PHF14: variants seen among roughly 807,000 people sequenced by gnomAD.
The protein encoded by PHF14 is PHD finger protein 14.
In PHF14, 55 loss-of-function variants were observed where a neutral mutation model predicts 117.9. The ratio of observed to expected loss-of-function variants is 0.47; its 90% CI spans 0.38 to 0.58. The LOEUF (loss-of-function observed/expected upper bound fraction) is 0.58, where lower values mean the gene tolerates loss of function less well. Ranked by LOEUF, PHF14 falls within the 20% of genes least tolerant of loss-of-function variation. PHF14 has a pLI of 0.00. For missense variants in PHF14, 978 were observed against 1,122.2 expected (o/e 0.87, Z 1.84); for synonymous variants, 409 against 368.6 (o/e 1.11, Z -1.26).
At chr7:11,095,945 G>A (rs903828127) in intron 16 of PHF14, among the ~76,000 whole-genome samples, 11 of 151,926 alleles carry the variant, frequency 7.2e-5, no homozygotes, top group African/African-American at 2.7e-4. Flanking sequence ...TATATAGAAG[G>A]TCAGCTTTGG....
intron 17 of PHF14, among the ~76,000 whole-genome samples, chr7:11,158,697 A>G (rs1188040310): frequency 6.6e-6 from 1 of 152,106 alleles, no homozygotes; most frequent in African/African-American, 2.4e-5. Flanking sequence ...TAAATAAGAT[A>G]TCTTAGGACT....
intron 17 of PHF14, among the ~76,000 whole-genome samples, chr7:11,122,398 C>CAT (rs199497476): frequency 0.087 from 10,732 of 123,626 alleles, 717 homozygotes; most frequent in African/African-American, 0.11. Context: ...CATACACACA[C>CAT]ATATATATAT....
chr7:11,006,086 A>C (rs1783078473), intron 4 of PHF14, among the ~76,000 whole-genome samples: 1 of 152,074 alleles, frequency 6.6e-6, no homozygotes, highest in Non-Finnish European at 1.5e-5. Context: ...AAAATTTCTT[A>C]GTCAAAAGAT....
At chr7:11,027,277 C>G (rs1266290328) in intron 6 of PHF14, among the ~76,000 whole-genome samples, 1 of 152,114 alleles carries the variant, frequency 6.6e-6, no homozygotes, top group East Asian at 1.9e-4. Flanking sequence ...GTATATTATA[C>G]CATTTATGTT....
intron 16 of PHF14, among the ~76,000 whole-genome samples, chr7:11,092,505 A>C (rs907267874): frequency 3.9e-5 from 6 of 152,150 alleles, no homozygotes; most frequent in Non-Finnish European, 8.8e-5. Context: ...CACCTATAGA[A>C]GGAATTACAG....
chr7:11,131,445 A>G (rs1371015143), intron 17 of PHF14, among the ~76,000 whole-genome samples: 2 of 151,942 alleles, frequency 1.3e-5, no homozygotes, highest in Admixed American at 6.6e-5. Context: ...CCATATATAT[A>G]TCTTTTATGA....
chr7:11,084,057 A>G (rs1786277510), intron 16 of PHF14, among the ~76,000 whole-genome samples: 1 of 152,218 alleles, frequency 6.6e-6, no homozygotes, highest in Non-Finnish European at 1.5e-5. Flanking sequence ...AAGATACGTT[A>G]AAGACACTAT....
At chr7:11,079,638 G>C (rs1340704875) in intron 16 of PHF14, among the ~76,000 whole-genome samples, 3 of 151,986 alleles carry the variant, frequency 2.0e-5, no homozygotes, top group Non-Finnish European at 2.9e-5. Context: ...GAAGTGTAGG[G>C]GAAGAGTGAC....
intron 17 of PHF14, among the ~76,000 whole-genome samples, chr7:11,128,022 A>G (rs1372485285): frequency 6.6e-6 from 1 of 152,050 alleles, no homozygotes; most frequent in Non-Finnish European, 1.5e-5. Flanking sequence ...TGACATTTTA[A>G]TGTGCACTTT....
intron 16 of PHF14, among the ~76,000 whole-genome samples, chr7:11,065,809 A>G (rs756376108): frequency 2.0e-5 from 3 of 152,170 alleles, no homozygotes; most frequent in Non-Finnish European, 2.9e-5. Flanking sequence ...TATAGACTCA[A>G]TGTGGCACAT....
chr7:11,078,921 T>C (rs1785972476), intron 16 of PHF14, among the ~76,000 whole-genome samples: 1 of 152,132 alleles, frequency 6.6e-6, no homozygotes, highest in African/African-American at 2.4e-5. Flanking sequence ...TTAATATGAA[T>C]TATATTATCT....
intron 17 of PHF14, among the ~76,000 whole-genome samples, chr7:11,128,474 A>G (rs1037674143): frequency 2.6e-5 from 4 of 151,836 alleles, no homozygotes; most frequent in Non-Finnish European, 4.4e-5. Flanking sequence ...TCTCTTCAGT[A>G]CTTGTTTCTG....
At chr7:11,139,136 G>C (rs1273920047) in intron 17 of PHF14, among the ~76,000 whole-genome samples, 1 of 152,108 alleles carries the variant, frequency 6.6e-6, no homozygotes, top group Non-Finnish European at 1.5e-5. Flanking sequence ...ATTGGCAGTA[G>C]AAAGCAATTT....
intron 17 of PHF14, among the ~76,000 whole-genome samples, chr7:11,167,093 AG>A (rs948303194): frequency 2.6e-5 from 4 of 152,206 alleles, no homozygotes; most frequent in African/African-American, 9.7e-5. Context: ...ATGAAAATAA[AG>A]TATATAAGTA....
At chr7:11,076,865 G>C (rs548017877) in intron 16 of PHF14, among the ~76,000 whole-genome samples, 1 of 149,148 alleles carries the variant, frequency 6.7e-6, no homozygotes, top group Non-Finnish European at 1.5e-5. Context: ...ACTGTGCCTA[G>C]CTTTCAAATA....
chr7:11,006,948 G>A lies in PHF14; in HGVS notation c.1046-6799G>A, dbSNP rs573787302. 5 of 438,250 alleles carry A rather than the reference G, an allele frequency of 1.1e-5. No homozygotes were observed. The East Asian group carries it at 2.5e-4, about 22-fold the overall frequency. The allele number at this position is 438,250 out of a possible 1,614,324, so 27.1% of individuals were successfully genotyped here. A position where few individuals can be genotyped will look rare whatever the true frequency, so the allele number is the denominator to read the frequency against. On this transcript the variant is annotated intron_variant, in intron 4 of 17. Coordinates refer to ENST00000634607, the MANE Select transcript of PHF14 (RefSeq NM_001007157.2). The stretch of plus-strand genomic sequence containing the variant: ...CCAGCATGTTGGGAGGCTGAGGCAT[G>A]TGGATCACCTGAAGTCAGGAGTTTG...
At chr7:11,018,826 T>C (rs758475475) in intron 5 of PHF14, among the ~76,000 whole-genome samples, 6 of 152,172 alleles carry the variant, frequency 3.9e-5, no homozygotes, top group Non-Finnish European at 8.8e-5. Context: ...TTCCAGATCT[T>C]AGAGGAAAAG....
At position 10,974,336 on chromosome 7, in the gene PHF14, C is replaced by A; in HGVS notation, c.1+12C>A. 2 of 1,589,166 alleles carry A rather than the reference C, an allele frequency of 1.3e-6. No individual in the cohort carries two copies. Among genetic ancestry groups the A allele is most frequent in the Non-Finnish European group, 1.7e-6 (2 of 1,166,760 alleles). The stretch of plus-strand genomic sequence containing the variant: ...TCACGGATTCCTTAGTAAGTGTATC[C>A]GAGGCCTCTGCGGCGAGAGGTCCAT... On this transcript the variant is annotated intron_variant, in intron 1 of 17. Coordinates refer to ENST00000634607, the MANE Select transcript of PHF14 (RefSeq NM_001007157.2).
intron 17 of PHF14, among the ~76,000 whole-genome samples, chr7:11,166,782 T>G (rs1417206781): frequency 6.6e-6 from 1 of 152,132 alleles, no homozygotes; most frequent in East Asian, 1.9e-4. Flanking sequence ...GTTATATAAG[T>G]GACTTAACAG....
Sources: allele counts gnomAD v4.1 joint callset (sites outside exome capture counted in the v4.1 genomes callset), GRCh38; gene constraint gnomAD v4.1.1; transcripts MANE v1.5; gene names NCBI Gene and HGNC (gene_info 2026-07-23, HGNC 2026-07-21).